RSPH9: variants seen among roughly 807,000 people sequenced by gnomAD.
RSPH9 encodes the protein radial spoke head component 9, also known as radial spoke head protein 9 homolog.
A neutral mutation model predicts 27.0 loss-of-function variants in RSPH9; 27 were observed. The ratio of observed to expected loss-of-function variants is 1.00; its 90% CI spans 0.74 to 1.38. RSPH9 has a LOEUF of 1.38. Among genes scored for constraint, RSPH9 ranks in the 40% most tolerant of loss-of-function variants. The pLI is 0.00. For missense variants in RSPH9, 347 were observed against 357.4 expected (o/e 0.97, Z 0.24); for synonymous variants, 145 against 147.7 (o/e 0.98, Z 0.13).
chr6:43,661,476 T>A (rs370611042), intron 4 of RSPH9, among the ~76,000 whole-genome samples: 3 of 152,050 alleles, frequency 2.0e-5, no homozygotes, highest in Admixed American at 6.6e-5. Context: ...GCCTGGCCAA[T>A]GTGGTGAAAC....
At chr6:43,667,370 C>G (rs927141559) in intron 4 of RSPH9, among the ~76,000 whole-genome samples, 3 of 152,212 alleles carry the variant, frequency 2.0e-5, no homozygotes, top group Non-Finnish European at 4.4e-5. Context: ...GGCTCCTTCC[C>G]AAGCAATTCC....
intron 4 of RSPH9, among the ~76,000 whole-genome samples, chr6:43,665,902 T>C (rs113021751): frequency 6.6e-6 from 1 of 152,256 alleles, no homozygotes; most frequent in African/African-American, 2.4e-5. Context: ...CTTGGCTCAC[T>C]GCAACCTCCG....
At position 43,670,788 on chromosome 6, in the gene RSPH9, G is replaced by A. The variant is rs996840893; in HGVS notation, c.671-1G>A. ...CTCACCTCCTGCCTGTCTTATCTCAGGGTCCTGGAGCATCCAGATGGAGAG... is the reference window on the plus strand; with the variant it reads ...CTCACCTCCTGCCTGTCTTATCTCAAGGTCCTGGAGCATCCAGATGGAGAG... On this transcript the variant is annotated splice_acceptor_variant, in intron 4 of 4. Coordinates refer to ENST00000372163, the MANE Select transcript of RSPH9 (RefSeq NM_152732.5). LOFTEE classifies it high-confidence loss of function. 1.9e-6 allele frequency: 3 copies of A among 1,613,960 alleles called. No individual in the cohort carries two copies. The highest frequency in any genetic ancestry group is 4.5e-5 in the East Asian group (2 of 44,886).
At chr6:43,666,252 A>G (rs987122405) in intron 4 of RSPH9, among the ~76,000 whole-genome samples, 1 of 152,226 alleles carries the variant, frequency 6.6e-6, no homozygotes, top group Non-Finnish European at 1.5e-5. Flanking sequence ...CAGCTAGGAA[A>G]AGAGCAGTCT....
chr6:43,665,399 G>A lies in RSPH9; in HGVS notation c.671-5390G>A, dbSNP rs1364337579. On this transcript the variant is annotated intron_variant, in intron 4 of 4. Coordinates refer to ENST00000372163, the MANE Select transcript of RSPH9 (RefSeq NM_152732.5). ...CATGCCTATAATTCCAGTGCTTTGG[G>A]AGGCCAAGGTGGCAGAATCGCTTGA... Among the ~76,000 whole-genome samples, 3 of 152,366 alleles carry A rather than the reference G, an allele frequency of 2.0e-5. No individual in the cohort carries two copies. In the East Asian group the frequency reaches 5.8e-4, roughly 29 times the overall value.
At chr6:43,662,995 G>A (rs375997930) in intron 4 of RSPH9, among the ~76,000 whole-genome samples, 1 of 151,414 alleles carries the variant, frequency 6.6e-6, no homozygotes, top group African/African-American at 2.4e-5. Flanking sequence ...ATGGGGTCTC[G>A]CTGTGTTGCT....
intron 4 of RSPH9, among the ~76,000 whole-genome samples, chr6:43,657,641 TG>T (rs1236666725): frequency 3.3e-5 from 5 of 152,072 alleles, no homozygotes; most frequent in Admixed American, 1.3e-4. Flanking sequence ...GCGACCCAAC[TG>T]GGGGGTATCT....
At chr6:43,649,866 T>A (rs1771269313) in intron 1 of RSPH9, among the ~76,000 whole-genome samples, 1 of 152,156 alleles carries the variant, frequency 6.6e-6, no homozygotes, top group South Asian at 2.1e-4. Flanking sequence ...AATTTCAGCA[T>A]ACATGGAATG....
intron 2 of RSPH9, among the ~76,000 whole-genome samples, chr6:43,653,101 T>G (rs1156720929): frequency 6.6e-6 from 1 of 152,184 alleles, no homozygotes; most frequent in Non-Finnish European, 1.5e-5. Flanking sequence ...TTTATAGGCA[T>G]GAGCCATTTC....
chr6:43,650,388 G>A lies in RSPH9; in HGVS notation c.241G>A (p.Glu81Lys), dbSNP rs1010820034. Reference protein sequence around the residue: ...RKTLYSLNCTEWSLLPPATEE... With the variant: ...RKTLYSLNCTKWSLLPPATEE... ...TATTGTTGGCAGCCTGAACTGCACA[G>A]AGTGGAGCCTCTTGCCCCCTGCCAC... Residue 81 changes from glutamate (E) to lysine (K), a missense_variant, in exon 2 of 5, where the codon GAG becomes AAG. Physicochemically the swap from Glu to Lys is moderately conservative, Grantham distance 56. Transcript: ENST00000372163. The A allele has an allele frequency of 6.2e-7, 1 of 1,613,330 alleles. No homozygotes were observed. The highest frequency in any genetic ancestry group is 8.5e-7 in the Non-Finnish European group (1 of 1,179,952).
chr6:43,663,210 G>C (rs1772808727), intron 4 of RSPH9, among the ~76,000 whole-genome samples: 1 of 144,568 alleles, frequency 6.9e-6, no homozygotes, highest in African/African-American at 2.9e-5. Context: ...GGCTATTGTA[G>C]AGTTATTTTA....
rs538112322 is a variant in RSPH9, at chr6:43,659,291, C to T, written c.670+2568C>T. 5.7e-4 allele frequency among the ~76,000 whole-genome samples: 85 copies of T among 150,394 alleles called. 1 individual carries two copies. The highest frequency in any genetic ancestry group is 1.1e-3 in the Non-Finnish European group (76 of 67,700). On this transcript the variant is annotated intron_variant, in intron 4 of 4. Transcript: ENST00000372163. ...AGCCTGGAGTGCAATGGTGTGATCT[C>T]GGCTCACTGCAACCTCCACCTTCTG... is the stretch of plus-strand genomic sequence containing the variant.
intron 1 of RSPH9, among the ~76,000 whole-genome samples, chr6:43,648,314 T>C (rs1217031715): frequency 6.6e-6 from 1 of 151,322 alleles, no homozygotes. Context: ...TTTTAAATAG[T>C]TTGGTCAGGG....
In RSPH9 at chr6:43,650,378, G is replaced by C; in HGVS notation, c.231G>C (p.Leu77=). The C allele has an allele frequency of 6.2e-7, 1 of 1,613,190 alleles. No individual in the cohort carries two copies. The highest frequency in any genetic ancestry group is 8.5e-7 in the Non-Finnish European group (1 of 1,180,038). Residue 77 remains leucine, a synonymous_variant, in exon 2 of 5, where the codon CTG becomes CTC. Coordinates refer to ENST00000372163, the MANE Select transcript of RSPH9 (RefSeq NM_152732.5). ...QLAPRKTLYS[L]NCTEWSLLPP... is the part of the protein sequence containing the mutation. The stretch of plus-strand genomic sequence containing the variant: ...GTGATGTGAATATTGTTGGCAGCCT[G>C]AACTGCACAGAGTGGAGCCTCTTGC...
rs1773721062 is a variant in RSPH9 at position 43,671,889 on chromosome 6, G to A, written c.*940G>A. On this transcript the variant is annotated 3_prime_UTR_variant, in exon 5 of 5. Coordinates refer to ENST00000372163, the MANE Select transcript of RSPH9 (RefSeq NM_152732.5). Reference sequence around the variant, plus strand: ...GTAGATGGGCTTGACGGAGCCAGGAGCCCAGCGCGTCAGGTACCTGTGGAG... The same window carrying A: ...GTAGATGGGCTTGACGGAGCCAGGAACCCAGCGCGTCAGGTACCTGTGGAG... The A allele has an allele frequency of 6.2e-7, 1 of 1,611,658 alleles. No individual in the cohort carries two copies. The highest frequency in any genetic ancestry group is 8.5e-7 in the Non-Finnish European group (1 of 1,178,768).
At chr6:43,648,812 A>G (rs1176293517) in intron 1 of RSPH9, among the ~76,000 whole-genome samples, 1 of 152,168 alleles carries the variant, frequency 6.6e-6, no homozygotes, top group African/African-American at 2.4e-5. Flanking sequence ...GGGGCTCTGG[A>G]AGGCAGGTGG....
At chr6:43,646,478 T>C (rs1472440332) in intron 1 of RSPH9, among the ~76,000 whole-genome samples, 1 of 150,856 alleles carries the variant, frequency 6.6e-6, no homozygotes, top group East Asian at 2.0e-4. Context: ...GGTTTCACTA[T>C]GCTGGTTAGG....
At chr6:43,664,364 G>A (rs77142160) in intron 4 of RSPH9, among the ~76,000 whole-genome samples, 6,446 of 152,202 alleles carry the variant, frequency 0.042, 263 homozygotes, top group East Asian at 0.21. Flanking sequence ...CTGAGTAGCT[G>A]GGACTACAGG....
chr6:43,647,276 G>A (rs961269065), intron 1 of RSPH9, among the ~76,000 whole-genome samples: 1 of 152,186 alleles, frequency 6.6e-6, no homozygotes, highest in Admixed American at 6.5e-5. Context: ...TGTAGAACTG[G>A]TTCTAGAGGC....
Sources: allele counts gnomAD v4.1 joint callset (sites outside exome capture counted in the v4.1 genomes callset), GRCh38; gene constraint gnomAD v4.1.1; transcripts MANE v1.5; gene names NCBI Gene and HGNC (gene_info 2026-07-23, HGNC 2026-07-21).